The following KALRN variants were observed in gnomAD, a reference collection of about 807,000 sequenced individuals.
The protein encoded by KALRN is kalirin RhoGEF kinase, also known as kalirin.
A neutral mutation model predicts 353.7 loss-of-function variants in KALRN; 70 were observed. The observed-to-expected ratio is 0.20, with a 90% CI of 0.16 to 0.24. The LOEUF (loss-of-function observed/expected upper bound fraction) is 0.24. Ranked by LOEUF, KALRN falls within the 10% of genes least tolerant of loss-of-function variation. The pLI, the probability that KALRN is intolerant of heterozygous loss-of-function variation, is 1.00. For missense variants in KALRN, 2,791 were observed against 3,756.7 expected (o/e 0.74, Z 6.72); for synonymous variants, 1,391 against 1,434.8 (o/e 0.97, Z 0.69).
chr3:124,477,153 TA>T, intron 26 of KALRN, 91 bp from the exon 27 acceptor site: 1 of 843,664 alleles, frequency 1.2e-6, no homozygotes, highest in Non-Finnish European at 2.0e-6. Context: ...CTGAGGGTCT[TA>T]ACTGTACAGC....
chr3:124,391,446 A>G (rs2089365104), intron 11 of KALRN, among the ~76,000 whole-genome samples: 1 of 152,330 alleles, frequency 6.6e-6, no homozygotes, highest in Middle Eastern at 3.4e-3. Flanking sequence ...GTTCCAGCAG[A>G]CATTGGCTTG....
In KALRN at chr3:124,723,428, G is replaced by A. The variant is rs1012702554; in HGVS notation, c.*3958G>A. 2 of 152,106 alleles carry A rather than the reference G, an allele frequency of 1.3e-5. No homozygotes were observed. The highest frequency in any genetic ancestry group is 4.8e-5 in the African/African-American group (2 of 41,416). 9.4% of individuals were successfully genotyped at this position (152,106 alleles called of 1,614,324 possible). A position where few individuals can be genotyped will look rare whatever the true frequency, so the allele number is the denominator to read the frequency against. ...AGTTGGGGGATGGGGAAGGAGGGAGGACATTAATCTTACAGGAATGTTGAG... is the reference window on the plus strand; with the variant it reads ...AGTTGGGGGATGGGGAAGGAGGGAGAACATTAATCTTACAGGAATGTTGAG... On this transcript the variant is annotated 3_prime_UTR_variant, in exon 60 of 60. Coordinates refer to ENST00000682506, the MANE Select transcript of KALRN (RefSeq NM_001388419.1).
At chr3:124,604,628 G>GT (rs1284006831) in intron 34 of KALRN, among the ~76,000 whole-genome samples, 1 of 151,940 alleles carries the variant, frequency 6.6e-6, no homozygotes, top group East Asian at 1.9e-4. Flanking sequence ...ATTTTTCAGA[G>GT]TTTTTCCTGA....
chr3:124,090,313 A>G (rs927053216), intron 1 of KALRN, among the ~76,000 whole-genome samples: 2 of 152,186 alleles, frequency 1.3e-5, no homozygotes. Flanking sequence ...AGAGTTAAAG[A>G]TCCTCAGCAG....
At chr3:124,381,529 C>T (rs1043939325) in intron 10 of KALRN, among the ~76,000 whole-genome samples, 1 of 152,136 alleles carries the variant, frequency 6.6e-6, no homozygotes, top group African/African-American at 2.4e-5. Flanking sequence ...GAGAGCTGGG[C>T]AGAGACAAAG....
chr3:124,545,418 A>G (rs2069517567), intron 33 of KALRN, among the ~76,000 whole-genome samples: 1 of 152,214 alleles, frequency 6.6e-6, no homozygotes, highest in African/African-American at 2.4e-5. Flanking sequence ...TATAATTTCA[A>G]GGGTCCCTGA....
chr3:124,552,080 T>C (rs989504875), intron 33 of KALRN, among the ~76,000 whole-genome samples: 1 of 152,180 alleles, frequency 6.6e-6, no homozygotes, highest in African/African-American at 2.4e-5. Flanking sequence ...GTTTATAAAC[T>C]ATAAAGGGCC....
intron 16 of KALRN, 63 bp downstream of exon 16, chr3:124,430,838 G>T: frequency 3.9e-6 from 6 of 1,548,736 alleles, no homozygotes; most frequent in African/African-American, 1.4e-5. Context: ...CTCAGGCAGG[G>T]TGATTCTCAG....
At chr3:124,310,336 C>T (rs983974953) in intron 6 of KALRN, among the ~76,000 whole-genome samples, 3 of 152,104 alleles carry the variant, frequency 2.0e-5, no homozygotes, top group Admixed American at 6.5e-5. Flanking sequence ...TGGCAATACT[C>T]CTCAAATCCT....
intron 25 of KALRN, among the ~76,000 whole-genome samples, chr3:124,469,383 G>A (rs2060665011): frequency 6.6e-6 from 1 of 152,188 alleles, no homozygotes; most frequent in Non-Finnish European, 1.5e-5. Flanking sequence ...TGATCCAACT[G>A]TGCTGGAACT....
At chr3:124,035,054 T>C (rs986134699) in intron 1 of KALRN, among the ~76,000 whole-genome samples, 5 of 152,124 alleles carry the variant, frequency 3.3e-5, no homozygotes, top group African/African-American at 1.2e-4. Context: ...CATTCTCTAG[T>C]TGATGTGCAG....
At chr3:124,071,890 G>A (rs2060036866) in intron 1 of KALRN, among the ~76,000 whole-genome samples, 1 of 152,166 alleles carries the variant, frequency 6.6e-6, no homozygotes, top group African/African-American at 2.4e-5. Context: ...CAACTATATA[G>A]GAAGGTGAGA....
intron 57 of KALRN, among the ~76,000 whole-genome samples, chr3:124,704,937 C>G (rs2062527425): frequency 6.6e-6 from 1 of 152,182 alleles, no homozygotes; most frequent in Admixed American, 6.5e-5. Context: ...TTCATCACAC[C>G]TAAATCTGGA....
At chr3:124,477,370 G>A in intron 27 of KALRN, 36 bp downstream of exon 27, 4 of 1,469,616 alleles carry the variant, frequency 2.7e-6, no homozygotes, top group Non-Finnish European at 3.8e-6. Context: ...CAGCTGATGA[G>A]CAGGTGGAAA....
chr3:124,299,053 G>T, intron 6 of KALRN, 140 bp downstream of exon 6: 1 of 1,134,776 alleles, frequency 8.8e-7, no homozygotes. Flanking sequence ...TGTTGGAATG[G>T]GGATGAGTGC....
At chr3:124,684,760 AG>A (rs1339548341) in intron 51 of KALRN, among the ~76,000 whole-genome samples, 4 of 152,334 alleles carry the variant, frequency 2.6e-5, no homozygotes, top group South Asian at 4.1e-4. Context: ...TTCACTTTTC[AG>A]GGGGTGTGGC....
chr3:124,037,133 A>G (rs2039500355), intron 1 of KALRN, among the ~76,000 whole-genome samples: 1 of 152,248 alleles, frequency 6.6e-6, no homozygotes, highest in Admixed American at 6.5e-5. Context: ...CAACTTTTCA[A>G]TTATCCCTAG....
At position 124,398,889 on chromosome 3, in the gene KALRN, G is replaced by C. The variant is rs751622107; in HGVS notation, c.2346+18G>C. On this transcript the variant is annotated intron_variant, in intron 13 of 59. Transcript: ENST00000682506. Reference sequence around the variant, plus strand: ...CCATCGAGGTAGCAGGGGGCCAGGAGGGGAGGTGGAGAGGGGCCAAGAAGT... The same window carrying C: ...CCATCGAGGTAGCAGGGGGCCAGGACGGGAGGTGGAGAGGGGCCAAGAAGT... The C allele has an allele frequency of 4.4e-6, 7 of 1,587,310 alleles. No individual in the cohort carries two copies. Among genetic ancestry groups the C allele is most frequent in the African/African-American group, 1.3e-5 (1 of 74,660 alleles).
chr3:124,058,068 TA>T (rs757592531), intron 1 of KALRN, among the ~76,000 whole-genome samples: 19 of 152,160 alleles, frequency 1.2e-4, no homozygotes, highest in Non-Finnish European at 2.5e-4. Flanking sequence ...ACTCCCATTT[TA>T]AAAATAATCA....
Sources: allele counts gnomAD v4.1 joint callset (sites outside exome capture counted in the v4.1 genomes callset), GRCh38; gene constraint gnomAD v4.1.1; transcripts MANE v1.5; gene names NCBI Gene and HGNC (gene_info 2026-07-23, HGNC 2026-07-21).